The following DCDC2 variants were observed in gnomAD, a reference collection of about 807,000 sequenced individuals.
DCDC2 encodes doublecortin domain-containing protein 2.
In DCDC2, 40 loss-of-function variants were observed where a neutral mutation model predicts 50.2. That is an observed-to-expected ratio of 0.80 (90% confidence interval 0.62 to 1.04). DCDC2 has a LOEUF of 1.04. Ranked by LOEUF, DCDC2 falls within the 50% of genes least tolerant of loss-of-function variation. The probability of loss-of-function intolerance (pLI) is 0.00; values close to 1 mark genes in which losing one functional copy is unlikely to be tolerated. For missense variants in DCDC2, 570 were observed against 581.9 expected (o/e 0.98, Z 0.21); for synonymous variants, 234 against 210.6 (o/e 1.11, Z -0.96).
chr6:24,242,706 A>C (rs552610502), intron 7 of DCDC2, among the ~76,000 whole-genome samples: 2 of 152,338 alleles, frequency 1.3e-5, no homozygotes, highest in South Asian at 4.1e-4. Context: ...TCACGCCTGT[A>C]ATTCCAGCAC....
At chr6:24,200,707 T>A (rs560944311) in intron 8 of DCDC2, among the ~76,000 whole-genome samples, 6 of 151,840 alleles carry the variant, frequency 4.0e-5, no homozygotes, top group African/African-American at 1.5e-4. Context: ...AGACTGCCAA[T>A]TGGATAAAGA....
intron 7 of DCDC2, among the ~76,000 whole-genome samples, chr6:24,253,270 T>A (rs1254757968): frequency 6.6e-6 from 1 of 152,120 alleles, no homozygotes; most frequent in Non-Finnish European, 1.5e-5. Context: ...AAAGAAAGCA[T>A]AAAATACTAA....
chr6:24,303,548 G>A (rs981299723), intron 2 of DCDC2, among the ~76,000 whole-genome samples: 2 of 152,006 alleles, frequency 1.3e-5, no homozygotes, highest in East Asian at 1.9e-4. Flanking sequence ...TTCTTCTTGC[G>A]CTTTCTGTCT....
Position 24,278,103 on chromosome 6 carries a change from T to C in DCDC2, c.868A>G (p.Lys290Glu). The change falls in exon 7 of 10, where the codon AAA becomes GAA. Residue 290 changes from lysine (K) to glutamate (E), a missense_variant. Coordinates refer to ENST00000378454, the MANE Select transcript of DCDC2 (RefSeq NM_016356.5). ...KEDVNSEKLT[K>E]LKQNVKLKNS... is the part of the protein sequence containing the mutation. Reference sequence around the variant, plus strand: ...TTTAATTTTACATTTTGTTTCAATTTCGTCAGTTTTTCTGAATTCACGTCT... The same window carrying C: ...TTTAATTTTACATTTTGTTTCAATTCCGTCAGTTTTTCTGAATTCACGTCT... 6.2e-7 allele frequency: 1 copy of C among 1,613,816 alleles called. No homozygotes were observed. The highest frequency in any genetic ancestry group is 8.5e-7 in the Non-Finnish European group (1 of 1,179,782).
intron 8 of DCDC2, among the ~76,000 whole-genome samples, chr6:24,181,383 C>G (rs1446232296): frequency 6.6e-6 from 1 of 152,144 alleles, no homozygotes; most frequent in African/African-American, 2.4e-5. Flanking sequence ...TCACCCTCTC[C>G]TCAAAGAGAA....
intron 8 of DCDC2, among the ~76,000 whole-genome samples, chr6:24,195,034 G>C (rs750701316): frequency 6.6e-6 from 1 of 152,100 alleles, no homozygotes; most frequent in South Asian, 2.1e-4. Flanking sequence ...TCCACAATGC[G>C]TAACATACAC....
chr6:24,362,514 T>C (rs916875555), upstream of DCDC2, among the ~76,000 whole-genome samples: 1 of 148,364 alleles, frequency 6.7e-6, no homozygotes, highest in African/African-American at 2.5e-5. Context: ...AATTATTTTT[T>C]ATTTAATTGT....
Position 24,257,179 on chromosome 6 carries a change from C to A in DCDC2, c.922+20870G>T, listed in dbSNP as rs148690412. Among the ~76,000 whole-genome samples the A allele has an allele frequency of 4.2e-3, 640 of 152,234 alleles. 4 individuals carry two copies. Among genetic ancestry groups the A allele is most frequent in the African/African-American group, 0.014 (583 of 41,538 alleles). Reference sequence around the variant, plus strand: ...GTGCCACTGGAAAATACTTGATTAGCAAATCTGATTTAATCAAGTTAACCT... The same window carrying A: ...GTGCCACTGGAAAATACTTGATTAGAAAATCTGATTTAATCAAGTTAACCT... On this transcript the variant is annotated intron_variant, in intron 7 of 9. Transcript: ENST00000378454.
chr6:24,307,766 T>G (rs1759499341), intron 2 of DCDC2, among the ~76,000 whole-genome samples: 1 of 152,168 alleles, frequency 6.6e-6, no homozygotes, highest in East Asian at 1.9e-4. Flanking sequence ...TCATTCTTTT[T>G]TTTTTTCAGT....
chr6:24,208,430 G>C (rs576028216), intron 7 of DCDC2, among the ~76,000 whole-genome samples: 274 of 146,596 alleles, frequency 1.9e-3, no homozygotes, highest in African/African-American at 6.7e-3. Context: ...GAGTGCAGTG[G>C]CGCAATCTCC....
chr6:24,222,659 GT>G (rs1215649410), intron 7 of DCDC2, among the ~76,000 whole-genome samples: 1 of 152,146 alleles, frequency 6.6e-6, no homozygotes, highest in Non-Finnish European at 1.5e-5. Flanking sequence ...GGTAAAGAAA[GT>G]GAAAAACCAT....
At chr6:24,275,866 ATTT>A (rs10685261) in intron 7 of DCDC2, among the ~76,000 whole-genome samples, 3 of 108,114 alleles carry the variant, frequency 2.8e-5, no homozygotes, top group South Asian at 3.4e-4. Flanking sequence ...CAATAATTCA[ATTT>A]TTTTTTTTTT....
chr6:24,229,855 G>A (rs1049267725), intron 7 of DCDC2, among the ~76,000 whole-genome samples: 6 of 152,266 alleles, frequency 3.9e-5, no homozygotes, highest in Non-Finnish European at 8.8e-5. Flanking sequence ...TCTCAGGAGT[G>A]TAGAAGTCAG....
At chr6:24,230,328 T>G (rs1762313348) in intron 7 of DCDC2, among the ~76,000 whole-genome samples, 1 of 151,594 alleles carries the variant, frequency 6.6e-6, no homozygotes, top group African/African-American at 2.4e-5. Context: ...CAGTAGTAAT[T>G]GAAAACAACA....
At chr6:24,360,626 C>G (rs1436501643), upstream of DCDC2, among the ~76,000 whole-genome samples, 1 of 152,126 alleles carries the variant, frequency 6.6e-6, no homozygotes, top group South Asian at 2.1e-4. Flanking sequence ...ATTGTGGCAC[C>G]AGGAAAATGT....
chr6:24,302,982 CT>C (rs1759409494), intron 2 of DCDC2, among the ~76,000 whole-genome samples: 1 of 152,022 alleles, frequency 6.6e-6, no homozygotes, highest in Non-Finnish European at 1.5e-5. Context: ...CACAACTCAC[CT>C]CATCTAGATC....
rs192614064 is a variant in DCDC2, at chr6:24,219,766, A to G, written c.923-14664T>C. Among the ~76,000 whole-genome samples, 346 of 152,330 alleles carry G rather than the reference A, an allele frequency of 2.3e-3. 1 individual carries two copies. The highest frequency in any genetic ancestry group is 4.2e-3 in the Non-Finnish European group (287 of 68,030). ...TTGTGTGCTTTGTAAGTGAAGTTCA[A>G]TGAAAAACTGGAGCAGGCTCATGAG... On this transcript the variant is annotated intron_variant, in intron 7 of 9. Coordinates refer to ENST00000378454, the MANE Select transcript of DCDC2 (RefSeq NM_016356.5).
At chr6:24,326,170 G>GAAGGAAGGAAGGAAGGAAGGAAGGAAGA (rs1759856219) in intron 2 of DCDC2, among the ~76,000 whole-genome samples, 1 of 127,802 alleles carries the variant, frequency 7.8e-6, no homozygotes, top group Non-Finnish European at 1.7e-5. Context: ...GGAAGGAAAG[G>GAAGGAAGGAAGGAAGGAAGGAAGGAAGA]AAGGAAGGAA....
At chr6:24,369,767 G>A in the DCDC2 span, among the ~76,000 whole-genome samples, 876 of 152,278 alleles carry the variant, frequency 5.8e-3, 13 homozygotes, top group African/African-American at 0.019. Flanking sequence ...AAGGCTAGGA[G>A]CAGTGGCTCA....
Sources: gnomAD v4.1 joint callset for allele counts (sites outside exome capture counted in the v4.1 genomes callset) on GRCh38, gnomAD v4.1.1 for gene constraint, MANE v1.5 for transcripts, NCBI Gene and HGNC (gene_info 2026-07-23, HGNC 2026-07-21) for gene names.